Variants in KRT75 observed in about 807,000 individuals in gnomAD.
KRT75 encodes the protein keratin, type II cytoskeletal 75.
In KRT75, 35 loss-of-function variants were observed where a neutral mutation model predicts 48.8. That is an observed-to-expected ratio of 0.72 (90% CI 0.55 to 0.95). KRT75 has a LOEUF of 0.95. Among genes scored for constraint, KRT75 ranks in the 40% least tolerant of loss-of-function variants. KRT75 has a pLI of 0.00. For missense variants in KRT75, 776 were observed against 709.9 expected (o/e 1.09, Z -1.06); for synonymous variants, 301 against 282.3 (o/e 1.07, Z -0.66).
Position 52,431,595 on chromosome 12 carries a change from T to G in KRT75, c.818A>C (p.Lys273Thr). The G allele has an allele frequency of 6.2e-7, 1 of 1,614,106 alleles. No individual in the cohort carries two copies. The highest frequency in any genetic ancestry group is 8.5e-7 in the Non-Finnish European group (1 of 1,179,920). Residue 273 changes from lysine (K) to threonine (T), a missense_variant, in exon 4 of 9, where the codon AAG (lysine) becomes ACG (threonine). By Grantham distance (78) the Lys-to-Thr change is moderately conservative. Transcript: ENST00000252245. ...AYMNKVELEA[K>T]VKSLPEEINF... ...GATCTCCTCGGGCAGAGATTTGACC[T>G]TGGCTTCCAGCTCCACCTTGTTCAT...
At chr12:52,428,107 T>C (rs770956670) in intron 7 of KRT75, 149 bp downstream of exon 7, 33 of 992,810 alleles carry the variant, frequency 3.3e-5, no homozygotes, top group Non-Finnish European at 4.6e-5. Flanking sequence ...GGAAGGAAAT[T>C]AAAATTATTT....
In KRT75 at chr12:52,433,067, C is replaced by T. The variant is rs1383148641; in HGVS notation, c.684G>A (p.Met228Ile). 2 of 1,613,896 alleles carry T rather than the reference C, an allele frequency of 1.2e-6. No individual in the cohort carries two copies. Among genetic ancestry groups the T allele is most frequent in the Non-Finnish European group, 1.7e-6 (2 of 1,180,036 alleles). ...RGRLEAELRN[M>I]QDVVEDFKVR... ...CTTTGAAATCTTCCACAACATCCTG[C>T]ATGTTCCTCAGTTCAGCTTCAAGCC... is the stretch of plus-strand genomic sequence containing the variant. The change falls in exon 2 of 9, where the codon ATG (methionine) becomes ATA (isoleucine). Residue 228 changes from methionine to isoleucine, a missense_variant. By Grantham distance (10) the Met-to-Ile change is conservative (BLOSUM62 1). Coordinates refer to ENST00000252245, the MANE Select transcript of KRT75 (RefSeq NM_004693.3).
chr12:52,433,745 A>T, intron 1 of KRT75, 62 bp downstream of exon 1: 2 of 1,610,796 alleles, frequency 1.2e-6, no homozygotes, highest in Non-Finnish European at 1.7e-6. Context: ...CCCCCATGGG[A>T]TGGCCCTTCC....
chr12:52,428,081 A>T, intron 7 of KRT75, 175 bp downstream of exon 7: 1 of 825,276 alleles, frequency 1.2e-6, no homozygotes. Context: ...TTGCACCTCA[A>T]ATGATTTACT....
Position 52,430,700 on chromosome 12 carries a change from C to T in KRT75, c.876G>A (p.Leu292=). Residue 292 remains leucine, a synonymous_variant, in exon 5 of 9, where the codon CTG becomes CTA. Transcript: ENST00000252245. The part of the protein sequence containing the change: ...NFIHSVFDAE[L]SQLQTQVGDT... ...CACCGACCTGGGTCTGCAACTGGGA[C>T]AGCTCCTGCAGGGCAGTAAACTCAG... 3 of 1,614,184 alleles carry T rather than the reference C, an allele frequency of 1.9e-6. No individual in the cohort carries two copies. Among genetic ancestry groups the T allele is most frequent in the Admixed American group, 3.3e-5 (2 of 60,028 alleles).
rs565440732 is a variant in KRT75 at position 52,430,779 on chromosome 12, C to T, written c.871-74G>A. On this transcript the variant is annotated intron_variant, in intron 4 of 8. Coordinates refer to ENST00000252245, the MANE Select transcript of KRT75 (RefSeq NM_004693.3). ...TAAATCTTCGTGGTTAACTACCCAT[C>T]TAGGTCAGGAATCCTTTCCTTGGTA... The T allele has an allele frequency of 7.8e-4, 1,172 of 1,503,884 alleles. 10 individuals carry two copies. The African/African-American group carries it at 0.015, about 19-fold the overall frequency. 93.2% of individuals were successfully genotyped at this position (1,503,884 alleles called of 1,614,324 possible).
intron 1 of KRT75, 78 bp downstream of exon 1, chr12:52,433,729 G>A (rs1297180691): frequency 6.2e-7 from 1 of 1,600,908 alleles, no homozygotes; most frequent in Admixed American, 1.7e-5. Flanking sequence ...TTGCATTATT[G>A]CTCTCCCCCC....
At position 52,430,666 on chromosome 12, in the gene KRT75, C is replaced by T. The variant is rs756190692; in HGVS notation, c.910G>A (p.Val304Met). 1.7e-5 allele frequency: 28 copies of T among 1,614,048 alleles called. No homozygotes were observed. Among genetic ancestry groups the T allele is most frequent in the East Asian group, 4.5e-5 (2 of 44,886 alleles). The change falls in exon 5 of 9, where the codon GTG (valine) becomes ATG (methionine). Residue 304 changes from valine to methionine, a missense_variant. Coordinates refer to ENST00000252245, the MANE Select transcript of KRT75 (RefSeq NM_004693.3). ...QLQTQVGDTS[V>M]VLSMDNNRNL... ...CGGTTGTTGTCCATGGACAGCACCA[C>T]GGATGTGTCACCGACCTGGGTCTGC...
Position 52,428,495 on chromosome 12 carries a change from G to T in KRT75, c.1162-19C>A. ...TGGAACACTGTAAGGACAGGAGGAA[G>T]CCATGAGTCCTGCTGACAGCCCATG... On this transcript the variant is annotated intron_variant, in intron 6 of 8. Transcript: ENST00000252245. 1 of 1,612,404 alleles carries T rather than the reference G, an allele frequency of 6.2e-7. No homozygotes were observed. Among genetic ancestry groups the T allele is most frequent in the Non-Finnish European group, 8.5e-7 (1 of 1,178,932 alleles).
intron 2 of KRT75, 88 bp downstream of exon 2, chr12:52,432,950 C>G: frequency 7.5e-7 from 1 of 1,326,086 alleles, no homozygotes; most frequent in Non-Finnish European, 1.1e-6. Context: ...CGGCTGATAT[C>G]GGCATTTGCT....
Position 52,433,783 on chromosome 12 carries a change from G to C in KRT75, c.498+24C>G, listed in dbSNP as rs747166207. The C allele has an allele frequency of 3.7e-6, 6 of 1,613,894 alleles. No individual in the cohort carries two copies. The African/African-American group carries it at 4.0e-5, about 11-fold the overall frequency. On this transcript the variant is annotated intron_variant, in intron 1 of 8. Coordinates refer to ENST00000252245, the MANE Select transcript of KRT75 (RefSeq NM_004693.3). The stretch of plus-strand genomic sequence containing the variant: ...GAGTTTATTTGATCCCAAACCCAAG[G>C]GGGTGGATGAAGCCCCTGCTTACCT...
At chr12:52,425,266 T>C (rs1243082703) in intron 8 of KRT75, among the ~76,000 whole-genome samples, 1 of 152,156 alleles carries the variant, frequency 6.6e-6, no homozygotes, top group Non-Finnish European at 1.5e-5. Flanking sequence ...AACCTATTCT[T>C]CTCCTAATTT....
In KRT75 at chr12:52,431,647, A is replaced by C; in HGVS notation, c.775-9T>G. On this transcript the variant is annotated splice_polypyrimidine_tract_variant and intron_variant, in intron 3 of 8. Transcript: ENST00000252245. Reference sequence around the variant, plus strand: ...TAGGCAGCATCTACGTCCTGGAATGACAGCGCAGGATGCTCCTTTGAGTCT... The same window carrying C: ...TAGGCAGCATCTACGTCCTGGAATGCCAGCGCAGGATGCTCCTTTGAGTCT... 1 of 1,596,678 alleles carries C rather than the reference A, an allele frequency of 6.3e-7. No individual in the cohort carries two copies. The highest frequency in any genetic ancestry group is 1.3e-5 in the African/African-American group (1 of 74,674).
In KRT75 at chr12:52,434,298, G is replaced by A. The variant is rs551607862; in HGVS notation, c.7C>T (p.Arg3Trp). The A allele has an allele frequency of 2.6e-5, 41 of 1,587,206 alleles. No individual in the cohort carries two copies. The Admixed American group carries it at 3.4e-4, about 13-fold the overall frequency. The change falls in exon 1 of 9, where the codon CGG becomes TGG. Residue 3 changes from arginine (R) to tryptophan (W), a missense_variant. Coordinates refer to ENST00000252245, the MANE Select transcript of KRT75 (RefSeq NM_004693.3). The part of the protein sequence containing the change: MS[R>W]QSSITFQSGS... ...GACTGGAAGGTGATGGAGGACTGCC[G>A]AGACATGGTGGGTGAGGAAGGCCGG...
At chr12:52,429,992 C>G (rs1003222523) in intron 5 of KRT75, among the ~76,000 whole-genome samples, 1 of 152,156 alleles carries the variant, frequency 6.6e-6, no homozygotes, top group Non-Finnish European at 1.5e-5. Context: ...GCTCCTTGTT[C>G]AGCCTTAAAC....
At chr12:52,432,100 C>A in intron 2 of KRT75, 34 bp from the exon 3 acceptor site, 2 of 1,610,698 alleles carry the variant, frequency 1.2e-6, no homozygotes, top group Non-Finnish European at 1.7e-6. Context: ...TGCTGTTGAG[C>A]AAGTCTGCAT....
At chr12:52,426,891 G>A (rs923600465) in intron 7 of KRT75, 40 bp from the exon 8 acceptor site, 6 of 1,598,428 alleles carry the variant, frequency 3.8e-6, no homozygotes, top group Non-Finnish European at 5.1e-6. Flanking sequence ...TTACCAATGT[G>A]GCCAGCAGCT....
Position 52,434,272 on chromosome 12 carries a change from A to T in KRT75, c.33T>A (p.Ser11=). The part of the protein sequence containing the change: MSRQSSITFQ[S]GSRRGFSTTS... The stretch of plus-strand genomic sequence containing the variant: ...TGGTGCTGAAGCCCCTGCGGCTGCC[A>T]GACTGGAAGGTGATGGAGGACTGCC... Residue 11 remains serine (S), a synonymous_variant, in exon 1 of 9, where the codon TCT becomes TCA. Transcript: ENST00000252245. The T allele has an allele frequency of 6.3e-7, 1 of 1,587,476 alleles. No individual in the cohort carries two copies. Among genetic ancestry groups the T allele is most frequent in the Non-Finnish European group, 8.5e-7 (1 of 1,171,596 alleles).
At chr12:52,431,023 T>C (rs915271877) in intron 4 of KRT75, among the ~76,000 whole-genome samples, 4 of 152,110 alleles carry the variant, frequency 2.6e-5, no homozygotes, top group African/African-American at 4.8e-5. Flanking sequence ...TTTAAGAGCA[T>C]TGGGGACATC....
Sources: gnomAD v4.1 joint callset for allele counts (sites outside exome capture counted in the v4.1 genomes callset) on GRCh38, gnomAD v4.1.1 for gene constraint, MANE v1.5 for transcripts, NCBI Gene and HGNC (gene_info 2026-07-23, HGNC 2026-07-21) for gene names.